KIAA1328: variants seen among roughly 807,000 people sequenced by gnomAD.
KIAA1328 encodes protein hinderin.
In KIAA1328, 52 loss-of-function variants were observed where a neutral mutation model predicts 68.1. The observed-to-expected ratio is 0.76, with a 90% confidence interval of 0.61 to 0.96. The LOEUF is 0.96. Ranked by LOEUF, KIAA1328 falls within the 40% of genes least tolerant of loss-of-function variation. The pLI is 0.00. For missense variants in KIAA1328, 641 were observed against 677.6 expected, an observed-to-expected ratio of 0.95 and a Z score of 0.60; for synonymous variants, 232 against 239.4, an observed-to-expected ratio of 0.97 and a Z score of 0.28.
At chr18:37,046,381 C>T (rs965469175) in intron 6 of KIAA1328, among the ~76,000 whole-genome samples, 4 of 152,058 alleles carry the variant, frequency 2.6e-5, no homozygotes, top group Non-Finnish European at 4.4e-5. Flanking sequence ...TAAGAATAAA[C>T]GTGAAAGCCT....
rs2060613098 is a variant in KIAA1328 at position 37,224,387 on chromosome 18, C to G, written c.*2160C>G. 2 of 985,372 alleles carry G rather than the reference C, an allele frequency of 2.0e-6. No individual in the cohort carries two copies. The highest frequency in any genetic ancestry group is 2.4e-6 in the Non-Finnish European group (2 of 829,936). 61.0% of individuals were successfully genotyped at this position (985,372 alleles called of 1,614,324 possible). A position where few individuals can be genotyped will look rare whatever the true frequency, so the allele number is the denominator to read the frequency against. On this transcript the variant is annotated 3_prime_UTR_variant, in exon 10 of 10. Coordinates refer to ENST00000280020, the MANE Select transcript of KIAA1328 (RefSeq NM_020776.3). ...TGCTTCTTTGCCTCTCCATGAATGG[C>G]CAATTTGGAAAAGCAGAGATGGGCT...
At chr18:36,880,044 T>C (rs2048278060) in intron 4 of KIAA1328, among the ~76,000 whole-genome samples, 1 of 152,196 alleles carries the variant, frequency 6.6e-6, no homozygotes, top group Non-Finnish European at 1.5e-5. Context: ...TGAATGGTTC[T>C]GTCTTGCTGG....
At chr18:37,081,232 T>G (rs538013657) in intron 7 of KIAA1328, among the ~76,000 whole-genome samples, 1 of 152,132 alleles carries the variant, frequency 6.6e-6, no homozygotes, top group East Asian at 1.9e-4. Flanking sequence ...TCCACCCTCC[T>G]TGACCTCCCA....
intron 6 of KIAA1328, among the ~76,000 whole-genome samples, chr18:36,973,145 TAAA>T (rs1172914112): frequency 6.6e-6 from 1 of 152,048 alleles, no homozygotes; most frequent in African/African-American, 2.4e-5. Context: ...TACGCAGCCA[TAAA>T]AAAGGATGAG....
At chr18:36,970,189 G>A (rs1216142482) in intron 6 of KIAA1328, among the ~76,000 whole-genome samples, 2 of 152,020 alleles carry the variant, frequency 1.3e-5, no homozygotes, top group Non-Finnish European at 2.9e-5. Context: ...TCACATAAAT[G>A]AACCAATGAC....
At chr18:37,187,261 G>C (rs17681878) in intron 9 of KIAA1328, among the ~76,000 whole-genome samples, 1 of 152,080 alleles carries the variant, frequency 6.6e-6, no homozygotes, top group Admixed American at 6.6e-5. Context: ...TAGCAGACAA[G>C]GGAAGAGTGA....
chr18:36,985,687 A>T (rs2052891045), intron 6 of KIAA1328, among the ~76,000 whole-genome samples: 1 of 152,196 alleles, frequency 6.6e-6, no homozygotes, highest in Admixed American at 6.5e-5. Context: ...GTGGCTCCAT[A>T]TACCCCGGTA....
intron 9 of KIAA1328, among the ~76,000 whole-genome samples, chr18:37,191,649 T>C (rs2059906264): frequency 6.6e-6 from 1 of 152,232 alleles, no homozygotes; most frequent in African/African-American, 2.4e-5. Context: ...CCATATATGG[T>C]TGATCTTATC....
chr18:37,066,787 G>A lies in KIAA1328; in HGVS notation c.577-103G>A, dbSNP rs868142919. 31 of 1,095,502 alleles carry A rather than the reference G, an allele frequency of 2.8e-5. No homozygotes were observed. In the African/African-American group the frequency reaches 3.8e-4, roughly 14 times the overall value. 67.9% of individuals were successfully genotyped at this position (1,095,502 alleles called of 1,614,324 possible). A position where few individuals can be genotyped will look rare whatever the true frequency, so the allele number is the denominator to read the frequency against. The stretch of plus-strand genomic sequence containing the variant: ...ATTTAATATTTAAGACAAAACAACA[G>A]CTTTGGCTTGGTAAATATATATCAC... On this transcript the variant is annotated intron_variant, in intron 6 of 9. Coordinates refer to ENST00000280020, the MANE Select transcript of KIAA1328 (RefSeq NM_020776.3).
In KIAA1328 at chr18:36,959,554, C is replaced by T. The variant is rs1598826010; in HGVS notation, c.576+119C>T. On this transcript the variant is annotated intron_variant, in intron 6 of 9. Transcript: ENST00000280020. ...ATAATATTGTTTTAAAACATGTAGC[C>T]ACTGCGTGTGATTGAGTTGATGTCT... 3.7e-6 allele frequency: 4 copies of T among 1,091,314 alleles called. No homozygotes were observed. The East Asian group carries it at 1.1e-4, about 30-fold the overall frequency. 67.6% of individuals were successfully genotyped at this position (1,091,314 alleles called of 1,614,324 possible).
At chr18:37,001,659 G>C (rs1450836532) in intron 6 of KIAA1328, among the ~76,000 whole-genome samples, 1 of 151,878 alleles carries the variant, frequency 6.6e-6, no homozygotes, top group Non-Finnish European at 1.5e-5. Context: ...TGAAAAACAT[G>C]ATTACATGAG....
At chr18:37,083,600 T>TG (rs1356180417) in intron 7 of KIAA1328, among the ~76,000 whole-genome samples, 2 of 152,302 alleles carry the variant, frequency 1.3e-5, no homozygotes, top group African/African-American at 4.8e-5. Flanking sequence ...AAGTAAGCAT[T>TG]GATGGATACA....
intron 9 of KIAA1328, among the ~76,000 whole-genome samples, chr18:37,184,520 TG>T (rs2059757884): frequency 6.6e-6 from 1 of 152,218 alleles, no homozygotes; most frequent in Non-Finnish European, 1.5e-5. Flanking sequence ...GTTTATTGTT[TG>T]GGTTTTCTCA....
chr18:37,019,462 A>G lies in KIAA1328; in HGVS notation c.577-47428A>G, dbSNP rs370624892. 7.9e-5 allele frequency among the ~76,000 whole-genome samples: 12 copies of G among 152,220 alleles called. 1 individual carries two copies. Among genetic ancestry groups the G allele is most frequent in the South Asian group, 4.1e-4 (2 of 4,834 alleles). On this transcript the variant is annotated intron_variant, in intron 6 of 9. Coordinates refer to ENST00000280020, the MANE Select transcript of KIAA1328 (RefSeq NM_020776.3). ...AACCTCACGGTGCCGGGAGGCAAGAACCAGGAACAACAGATCTGGACCAGG... is the reference window on the plus strand; with the variant it reads ...AACCTCACGGTGCCGGGAGGCAAGAGCCAGGAACAACAGATCTGGACCAGG...
At chr18:36,868,004 A>G (rs1290803336) in intron 4 of KIAA1328, among the ~76,000 whole-genome samples, 3 of 152,240 alleles carry the variant, frequency 2.0e-5, no homozygotes, top group East Asian at 1.9e-4. Flanking sequence ...AAAACAGATT[A>G]AAGTGCCTGA....
At position 37,224,339 on chromosome 18, in the gene KIAA1328, A is replaced by AG. The variant is rs1163947716; in HGVS notation, c.*2112_*2113insG. The AG allele has an allele frequency of 5.1e-6, 5 of 985,296 alleles. No homozygotes were observed. In the African/African-American group the frequency reaches 8.7e-5, roughly 17 times the overall value. The allele number at this position is 985,296 out of a possible 1,614,324, so 61.0% of individuals were successfully genotyped here. On this transcript the variant is annotated 3_prime_UTR_variant, in exon 10 of 10. Coordinates refer to ENST00000280020, the MANE Select transcript of KIAA1328 (RefSeq NM_020776.3). ...CTAAACTAAAGGCTTTTTGGGGGTC[A>AG]CAGCCACAGAGTGGAGTTTTATTGC...
intron 4 of KIAA1328, among the ~76,000 whole-genome samples, chr18:36,853,756 T>G (rs1458698897): frequency 6.6e-6 from 1 of 152,164 alleles, no homozygotes; most frequent in Non-Finnish European, 1.5e-5. Flanking sequence ...TCTTCTGGGT[T>G]CAAGTGATTC....
At chr18:36,956,521 A>G in intron 5 of KIAA1328, among the ~76,000 whole-genome samples, 1 of 144,824 alleles carries the variant, frequency 6.9e-6, no homozygotes, top group South Asian at 2.4e-4. Context: ...TTGAAGTCTC[A>G]TTGTGCTAAG....
chr18:36,948,627 G>A (rs1003012404), intron 5 of KIAA1328, among the ~76,000 whole-genome samples: 55 of 145,720 alleles, frequency 3.8e-4, no homozygotes, highest in Admixed American at 2.7e-3. Context: ...TCAGCTCACC[G>A]CAACCTCTAC....
Sources: gnomAD v4.1 joint callset for allele counts (sites outside exome capture counted in the v4.1 genomes callset) on GRCh38, gnomAD v4.1.1 for gene constraint, MANE v1.5 for transcripts, NCBI Gene and HGNC (gene_info 2026-07-23, HGNC 2026-07-21) for gene names.